LMNA: variants seen among roughly 807,000 people sequenced by gnomAD.
LMNA encodes the protein lamin A/C.
Under a neutral mutation model 70.4 loss-of-function variants are expected in LMNA, and 20 were observed. The observed-to-expected ratio is 0.28, with a 90% CI of 0.20 to 0.41. LMNA has a LOEUF of 0.41. LMNA is among the 10% of genes least tolerant of loss of function. The probability of loss-of-function intolerance (pLI) is 1.00; values close to 1 mark genes in which losing one functional copy is unlikely to be tolerated. For missense variants in LMNA, 652 were observed against 917.2 expected (o/e 0.71, Z 3.73); for synonymous variants, 339 against 372.8 (o/e 0.91, Z 1.04).
In LMNA at chr1:156,139,701, GC is replaced by G; in HGVS notation, c.*600del. 4 of 1,513,918 alleles carry G rather than the reference GC, an allele frequency of 2.6e-6. No individual in the cohort carries two copies. Among genetic ancestry groups the G allele is most frequent in the Non-Finnish European group, 2.6e-6 (3 of 1,136,254 alleles). The allele number at this position is 1,513,918 out of a possible 1,614,324, so 93.8% of individuals were successfully genotyped here. ...TGCCCCGCCCCCAGTCCCCACCCCT[GC>G]CCCCAGCCCCGGGGTGAGTCCATTC... On this transcript the variant is annotated 3_prime_UTR_variant, in exon 12 of 12. Coordinates refer to ENST00000368300, the MANE Select transcript of LMNA (RefSeq NM_170707.4).
rs771661497 is a variant in LMNA, at chr1:156,138,455, G to A, written c.1699-33G>A. On this transcript the variant is annotated intron_variant, in intron 10 of 11. Transcript: ENST00000368300. The surrounding 1 kb of genome is among the most constrained non-coding windows in gnomAD (Gnocchi z 5.5). ...GGCCTGAGTGGTCAGTCCCAGACTC[G>A]CCGTCCCGCCTGAGCCTTGTCTCCC... The A allele has an allele frequency of 6.2e-6, 10 of 1,604,256 alleles. No individual in the cohort carries two copies. The highest frequency in any genetic ancestry group is 4.0e-5 in the African/African-American group (3 of 74,700).
chr1:156,136,560 A>G lies in LMNA; in HGVS notation c.1380+124A>G, dbSNP rs1651656105. On this transcript the variant is annotated intron_variant, in intron 7 of 11. Transcript: ENST00000368300. This position sits in a 1 kb window ranked among gnomAD's most constrained non-coding sequence, Gnocchi z 6.1. ...AGAGGGTGGACCAGGGTGAGCCTGT[A>G]TATCTCCTCCACACTCTGGTTCCAG... 1 of 1,013,106 alleles carries G rather than the reference A, an allele frequency of 9.9e-7. No individual in the cohort carries two copies. The highest frequency in any genetic ancestry group is 1.5e-6 in the Non-Finnish European group (1 of 670,792). The allele number at this position is 1,013,106 out of a possible 1,614,324, so 62.8% of individuals were successfully genotyped here. A position where few individuals can be genotyped will look rare whatever the true frequency, so the allele number is the denominator to read the frequency against.
chr1:156,100,854 GAC>G (rs1340653217), intron 3 of LMNA, among the ~76,000 whole-genome samples: 1 of 152,194 alleles, frequency 6.6e-6, no homozygotes. Flanking sequence ...AATGGGGGAA[GAC>G]ACACATACAC....
intron 1 of LMNA, among the ~76,000 whole-genome samples, chr1:156,121,075 A>G (rs377660144): frequency 2.0e-4 from 24 of 117,156 alleles, no homozygotes; most frequent in African/African-American, 8.7e-4. Flanking sequence ...TTTTTTTGAC[A>G]GTCTCGCTCC....
chr1:156,124,817 T>G, intron 1 of LMNA, among the ~76,000 whole-genome samples: 1 of 151,090 alleles, frequency 6.6e-6, no homozygotes, highest in Admixed American at 6.6e-5. Context: ...TGGGTGGGAG[T>G]GGCACTTTCA....
chr1:156,129,966 C>CAGAG lies in LMNA; in HGVS notation c.357-651_357-650insAGAG, dbSNP rs1650902668. The CAGAG allele has an allele frequency of 1.1e-4, 77 of 722,370 alleles. 2 individuals carry two copies. The South Asian group carries it at 1.1e-3, about 11-fold the overall frequency. The allele number at this position is 722,370 out of a possible 1,614,324, so 44.7% of individuals were successfully genotyped here. ...AGGCAGGAGGGAGGGAGGCAGGGAC[C>CAGAG]CCTCTGTTCAGTGCAGATCAGGGCA... On this transcript the variant is annotated intron_variant, in intron 1 of 11. Transcript: ENST00000368300.
At chr1:156,112,940 G>A (rs1168679620), upstream of LMNA, among the ~76,000 whole-genome samples, 1 of 152,164 alleles carries the variant, frequency 6.6e-6, no homozygotes, top group Non-Finnish European at 1.5e-5. Flanking sequence ...AGCTGTGGGA[G>A]GCAGTTGGGC....
At chr1:156,097,233 G>A (rs549753251) in intron 3 of LMNA, among the ~76,000 whole-genome samples, 1 of 152,280 alleles carries the variant, frequency 6.6e-6, no homozygotes, top group South Asian at 2.1e-4. Flanking sequence ...GGCAAGCTGG[G>A]GACTCCTGGG....
At chr1:156,089,320 A>G (rs779705624) in intron 2 of LMNA, among the ~76,000 whole-genome samples, 10 of 150,894 alleles carry the variant, frequency 6.6e-5, no homozygotes, top group South Asian at 4.2e-4. Flanking sequence ...TTTTGAGATG[A>G]AGTCTTGCTC....
Position 156,139,592 on chromosome 1 carries a change from A to G in LMNA, c.*486A>G, listed in dbSNP as rs1018831728. ...TGCCAGGCCAGCCTCCGAGAGGGAG[A>G]GAGAGAGAGAGAGGACAGCTTGAGC... On this transcript the variant is annotated 3_prime_UTR_variant, in exon 12 of 12. Coordinates refer to ENST00000368300, the MANE Select transcript of LMNA (RefSeq NM_170707.4). 31 of 1,297,938 alleles carry G rather than the reference A, an allele frequency of 2.4e-5. No individual in the cohort carries two copies. The highest frequency in any genetic ancestry group is 3.1e-5 in the Non-Finnish European group (31 of 1,007,174). The allele number at this position is 1,297,938 out of a possible 1,614,324, so 80.4% of individuals were successfully genotyped here.
intron 2 of LMNA, among the ~76,000 whole-genome samples, chr1:156,132,004 T>C (rs1241965174): frequency 6.6e-6 from 1 of 152,164 alleles, no homozygotes; most frequent in Non-Finnish European, 1.5e-5. Flanking sequence ...ACTCCGTCTC[T>C]ACTAAAAATA....
intron 1 of LMNA, among the ~76,000 whole-genome samples, chr1:156,125,150 A>G (rs1440909977): frequency 6.6e-6 from 1 of 152,220 alleles, no homozygotes; most frequent in Admixed American, 6.5e-5. Context: ...GGACACACAG[A>G]AAAAGCCCCA....
In LMNA at chr1:156,103,800, C is replaced by T. The variant is rs1270195854; in HGVS notation, c.-206-10913C>T. On this transcript the variant is annotated intron_variant, in intron 3 of 12. Coordinates refer to the LMNA transcript ENST00000368301. The surrounding 1 kb of genome is among the most constrained non-coding windows in gnomAD (Gnocchi z 4.7). ...ATACCCCACCCTCCCTGCTCTTTATCCCTCAACGCCCTCCCCTGCCCAAGG... is the reference window on the plus strand; with the variant it reads ...ATACCCCACCCTCCCTGCTCTTTATTCCTCAACGCCCTCCCCTGCCCAAGG... 6.6e-6 allele frequency among the ~76,000 whole-genome samples: 1 copy of T among 152,130 alleles called. No individual in the cohort carries two copies. Among genetic ancestry groups the T allele is most frequent in the Admixed American group, 6.5e-5 (1 of 15,280 alleles).
At chr1:156,111,554 A>G (rs1649543416), upstream of LMNA, among the ~76,000 whole-genome samples, 1 of 152,090 alleles carries the variant, frequency 6.6e-6, no homozygotes, top group Non-Finnish European at 1.5e-5. Context: ...ATCCCTTTGG[A>G]ATTCATCCAA....
chr1:156,131,548 C>T (rs1391573500), intron 2 of LMNA, among the ~76,000 whole-genome samples: 4 of 152,160 alleles, frequency 2.6e-5, no homozygotes, highest in Non-Finnish European at 5.9e-5. Context: ...TGTGATTGCA[C>T]CACTGCACTT....
At position 156,139,745 on chromosome 1, in the gene LMNA, G is replaced by C; in HGVS notation, c.*639G>C. ...GTCCATTCTCCCAGGTACCAGCTGC[G>C]CTTGCTTTTCTGTATTTTATTTAGA... On this transcript the variant is annotated 3_prime_UTR_variant, in exon 12 of 12. Coordinates refer to ENST00000368300, the MANE Select transcript of LMNA (RefSeq NM_170707.4). 1 of 1,531,952 alleles carries C rather than the reference G, an allele frequency of 6.5e-7. No individual in the cohort carries two copies. Among genetic ancestry groups the C allele is most frequent in the South Asian group, 1.2e-5 (1 of 83,960 alleles). 94.9% of individuals were successfully genotyped at this position (1,531,952 alleles called of 1,614,324 possible).
At chr1:156,092,506 C>T (rs183533601) in intron 3 of LMNA, among the ~76,000 whole-genome samples, 2 of 151,882 alleles carry the variant, frequency 1.3e-5, no homozygotes, top group Admixed American at 6.6e-5. Flanking sequence ...TGGCAAAACC[C>T]CGTCTCTACA....
At chr1:156,129,688 G>GT in intron 1 of LMNA, 1 of 604,976 alleles carries the variant, frequency 1.7e-6, no homozygotes. Flanking sequence ...TTCTCTGGAG[G>GT]TTTTTAAGAA....
In LMNA at chr1:156,115,434, G is replaced by T. The variant is rs564412515; in HGVS notation, c.356+160G>T. Among the ~76,000 whole-genome samples, 4 of 152,226 alleles carry T rather than the reference G, an allele frequency of 2.6e-5. No homozygotes were observed. Among genetic ancestry groups the T allele is most frequent in the African/African-American group, 9.6e-5 (4 of 41,454 alleles). Reference sequence around the variant, plus strand: ...AACTGCCCCCAGCGGGTGACTGGCAGTGTCAAGGGGAATTGTCAAGACAGG... The same window carrying T: ...AACTGCCCCCAGCGGGTGACTGGCATTGTCAAGGGGAATTGTCAAGACAGG... On this transcript the variant is annotated intron_variant, in intron 1 of 11. Coordinates refer to ENST00000368300, the MANE Select transcript of LMNA (RefSeq NM_170707.4). This position sits in a 1 kb window ranked among gnomAD's most constrained non-coding sequence, Gnocchi z 5.8.
Sources: gnomAD v4.1 joint callset for allele counts (sites outside exome capture counted in the v4.1 genomes callset) on GRCh38, gnomAD v4.1.1 for gene constraint, Gnocchi (gnomAD v3.1) non-coding constraint, MANE v1.5 for transcripts, NCBI Gene and HGNC (gene_info 2026-07-23, HGNC 2026-07-21) for gene names.